Variants in ITPR1 observed in about 807,000 individuals in gnomAD.
ITPR1 encodes inositol 1,4,5-trisphosphate-gated calcium channel ITPR1.
Under a neutral mutation model 318.4 loss-of-function variants are expected in ITPR1, and 96 were observed. The observed-to-expected ratio is 0.30, with a 90% CI of 0.26 to 0.36. The LOEUF (loss-of-function observed/expected upper bound fraction) is 0.36, where lower values mean the gene tolerates loss of function less well. Ranked by LOEUF, ITPR1 falls within the 10% of genes least tolerant of loss-of-function variation. The pLI is 1.00. For missense variants in ITPR1, 2,440 were observed against 3,460.2 expected (o/e 0.71, Z 7.40); for synonymous variants, 1,312 against 1,289.9 (o/e 1.02, Z -0.37).
intron 4 of ITPR1, among the ~76,000 whole-genome samples, chr3:4,610,999 C>CTCCTTCT (rs1491570466): frequency 1.1e-4 from 9 of 82,796 alleles, no homozygotes; most frequent in South Asian, 5.9e-4. Flanking sequence ...CCTTCTCCTT[C>CTCCTTCT]CCTTCCCTTC....
At chr3:4,495,826 C>T (rs965244072) in intron 2 of ITPR1, among the ~76,000 whole-genome samples, 4 of 152,076 alleles carry the variant, frequency 2.6e-5, no homozygotes, top group Non-Finnish European at 5.9e-5. Context: ...CACAAATGGA[C>T]CTCAGTTGAT....
At chr3:4,656,518 C>T (rs1382369758) in intron 12 of ITPR1, among the ~76,000 whole-genome samples, 4 of 152,008 alleles carry the variant, frequency 2.6e-5, no homozygotes, top group Non-Finnish European at 5.9e-5. Context: ...AAGGGATGAG[C>T]AATTAGAGGA....
At chr3:4,501,584 T>G (rs1298227351) in intron 2 of ITPR1, among the ~76,000 whole-genome samples, 2 of 152,262 alleles carry the variant, frequency 1.3e-5, no homozygotes, top group Non-Finnish European at 2.9e-5. Context: ...CTTTGCTTTT[T>G]CATGGCTAGC....
intron 61 of ITPR1, among the ~76,000 whole-genome samples, chr3:4,842,938 T>C (rs1358604372): frequency 1.3e-5 from 2 of 152,102 alleles, no homozygotes; most frequent in African/African-American, 4.8e-5. Context: ...GGTAGGTAAG[T>C]AGATAAGAAG....
At chr3:4,831,310 G>C (rs192746312) in intron 60 of ITPR1, 1 of 267,810 alleles carries the variant, frequency 3.7e-6, no homozygotes, top group Non-Finnish European at 7.6e-6. Flanking sequence ...TAGCACTTGT[G>C]GTCAGCCTGC....
intron 4 of ITPR1, among the ~76,000 whole-genome samples, chr3:4,551,784 C>T (rs1440108205): frequency 2.6e-5 from 4 of 152,230 alleles, no homozygotes; most frequent in Non-Finnish European, 5.9e-5. Context: ...TCAGAGAAGT[C>T]GGCTTAAGTT....
intron 58 of ITPR1, 28 bp from the exon 59 acceptor site, chr3:4,815,025 G>C: frequency 1.3e-6 from 2 of 1,590,052 alleles, no homozygotes; most frequent in Non-Finnish European, 1.7e-6. Context: ...AAGGGACCCA[G>C]ACTGATCCAG....
chr3:4,532,288 C>A (rs556662272), intron 4 of ITPR1, among the ~76,000 whole-genome samples: 1 of 152,316 alleles, frequency 6.6e-6, no homozygotes, highest in South Asian at 2.1e-4. Flanking sequence ...TAGGAACCAC[C>A]TGGAATCTTG....
chr3:4,712,797 G>T (rs2041478649), intron 39 of ITPR1, among the ~76,000 whole-genome samples: 1 of 152,176 alleles, frequency 6.6e-6, no homozygotes, highest in South Asian at 2.1e-4. Context: ...AGACTCCTTG[G>T]ATAAGAAAAC....
At chr3:4,513,354 G>T (rs571636619) in intron 2 of ITPR1, among the ~76,000 whole-genome samples, 84 of 152,258 alleles carry the variant, frequency 5.5e-4, no homozygotes, top group African/African-American at 1.9e-3. Flanking sequence ...GGCCGGAGGA[G>T]ATCTCCAGAG....
chr3:4,511,566 C>G (rs304042), intron 2 of ITPR1, among the ~76,000 whole-genome samples: 1 of 152,232 alleles, frequency 6.6e-6, no homozygotes, highest in Non-Finnish European at 1.5e-5. Flanking sequence ...GCCTACTTCA[C>G]GCCAGATGCT....
chr3:4,783,798 T>C lies in ITPR1; in HGVS notation c.6511-18T>C. 1 of 1,572,012 alleles carries C rather than the reference T, an allele frequency of 6.4e-7. No homozygotes were observed. The highest frequency in any genetic ancestry group is 1.3e-5 in the African/African-American group (1 of 74,140). ...TGAAGAGACACCAACCTCCTGTATC[T>C]CTGTCCCTGTATTCTAGTTGGCTCG... is the stretch of plus-strand genomic sequence containing the variant. On this transcript the variant is annotated intron_variant, in intron 50 of 61. Transcript: ENST00000649015.
chr3:4,710,596 C>A lies in ITPR1; in HGVS notation c.4991+123C>A. ...ACTTTGATGAATGCAAGGTCATGTG[C>A]TAAAGTCCTGTTCTGACCTCCCCAA... On this transcript the variant is annotated intron_variant, in intron 38 of 61. Coordinates refer to ENST00000649015, the MANE Select transcript of ITPR1 (RefSeq NM_001378452.1). This position sits in a 1 kb window ranked among gnomAD's most constrained non-coding sequence, Gnocchi z 4.2. The A allele has an allele frequency of 2.1e-6, 2 of 957,530 alleles. No individual in the cohort carries two copies. The highest frequency in any genetic ancestry group is 3.0e-6 in the Non-Finnish European group (2 of 657,270). The allele number at this position is 957,530 out of a possible 1,614,324, so 59.3% of individuals were successfully genotyped here.
chr3:4,552,212 C>T (rs1675447075), intron 4 of ITPR1, among the ~76,000 whole-genome samples: 1 of 152,206 alleles, frequency 6.6e-6, no homozygotes, highest in Non-Finnish European at 1.5e-5. Flanking sequence ...GCAATCAATT[C>T]TGCAGCAGAC....
intron 53 of ITPR1, among the ~76,000 whole-genome samples, chr3:4,795,702 A>G (rs191057919): frequency 1.3e-5 from 2 of 152,324 alleles, no homozygotes; most frequent in African/African-American, 4.8e-5. Flanking sequence ...AGACTGTACA[A>G]TGTTTAGTCT....
At chr3:4,719,490 A>G (rs1434646784) in intron 40 of ITPR1, among the ~76,000 whole-genome samples, 1 of 152,226 alleles carries the variant, frequency 6.6e-6, no homozygotes, top group Non-Finnish European at 1.5e-5. Context: ...GCAGAAGCTT[A>G]ATGAGAATTC....
chr3:4,532,023 G>A (rs901040208), intron 4 of ITPR1, among the ~76,000 whole-genome samples: 6 of 152,204 alleles, frequency 3.9e-5, no homozygotes, highest in Admixed American at 3.3e-4. Flanking sequence ...GATTAAATGA[G>A]TTAATCTGTG....
chr3:4,840,902 A>G (rs2106551678), intron 61 of ITPR1, among the ~76,000 whole-genome samples: 1 of 152,336 alleles, frequency 6.6e-6, no homozygotes, highest in East Asian at 1.9e-4. Context: ...CTGGCTTCCT[A>G]TAGGACAGCG....
At chr3:4,511,083 T>C (rs1292974693) in intron 2 of ITPR1, among the ~76,000 whole-genome samples, 1 of 152,032 alleles carries the variant, frequency 6.6e-6, no homozygotes, top group Non-Finnish European at 1.5e-5. Context: ...AAAACTCTAG[T>C]AGCTGTGGGA....
Sources: gnomAD v4.1 joint callset for allele counts (sites outside exome capture counted in the v4.1 genomes callset) on GRCh38, gnomAD v4.1.1 for gene constraint, Gnocchi (gnomAD v3.1) non-coding constraint, MANE v1.5 for transcripts, NCBI Gene and HGNC (gene_info 2026-07-23, HGNC 2026-07-21) for gene names.